PPP2R2C: variants seen among roughly 807,000 people sequenced by gnomAD.
The protein encoded by PPP2R2C is protein phosphatase 2 regulatory subunit Bgamma.
A neutral mutation model predicts 45.3 loss-of-function variants in PPP2R2C; 10 were observed. The observed-to-expected ratio is 0.22, with a 90% CI of 0.14 to 0.37. The LOEUF is 0.37. Ranked by LOEUF, PPP2R2C falls within the 10% of genes least tolerant of loss-of-function variation. PPP2R2C has a pLI of 1.00. For missense variants in PPP2R2C, 308 were observed against 619.7 expected, an observed-to-expected ratio of 0.50 and a Z score of 5.34; for synonymous variants, 257 against 245.4, an observed-to-expected ratio of 1.05 and a Z score of -0.44.
intron 1 of PPP2R2C, among the ~76,000 whole-genome samples, chr4:6,537,822 T>C (rs1249719431): frequency 6.6e-6 from 1 of 152,154 alleles, no homozygotes; most frequent in Non-Finnish European, 1.5e-5. Flanking sequence ...AGTGCTGGGA[T>C]TACAGGTGTG....
chr4:6,451,553 G>A (rs1051804180), intron 1 of PPP2R2C, among the ~76,000 whole-genome samples: 1 of 152,140 alleles, frequency 6.6e-6, no homozygotes, highest in African/African-American at 2.4e-5. Flanking sequence ...CTCGGGGAGG[G>A]GACCTGGGTT....
At chr4:6,512,240 G>C (rs796074613) in intron 2 of PPP2R2C, among the ~76,000 whole-genome samples, 2 of 11,064 alleles carry the variant, frequency 1.8e-4, no homozygotes, top group African/African-American at 8.4e-4. Context: ...GTGATGGTGG[G>C]GGTGGTGGTG....
At chr4:6,372,816 C>G in intron 4 of PPP2R2C, 116 bp from the exon 5 acceptor site, 4 of 1,061,728 alleles carry the variant, frequency 3.8e-6, no homozygotes, top group Non-Finnish European at 5.6e-6. Flanking sequence ...GGGCGTCCAT[C>G]CTGATCCTCC....
intron 5 of PPP2R2C, among the ~76,000 whole-genome samples, chr4:6,357,264 G>A (rs534339165): frequency 6.6e-6 from 1 of 152,384 alleles, no homozygotes; most frequent in Non-Finnish European, 1.5e-5. Context: ...AGGAGGGGCT[G>A]TCAGGTCCCT....
chr4:6,461,108 C>T (rs565857645), intron 1 of PPP2R2C, among the ~76,000 whole-genome samples: 6 of 152,262 alleles, frequency 3.9e-5, no homozygotes, highest in East Asian at 1.9e-4. Flanking sequence ...ACCTATTTGG[C>T]TTTGCAGACT....
intron 1 of PPP2R2C, among the ~76,000 whole-genome samples, chr4:6,470,707 C>T (rs1721824072): frequency 6.6e-6 from 1 of 152,228 alleles, no homozygotes; most frequent in Non-Finnish European, 1.5e-5. Flanking sequence ...CTGATCCCGA[C>T]TCAGCCTCGC....
At chr4:6,447,006 C>A (rs1044378962) in intron 1 of PPP2R2C, among the ~76,000 whole-genome samples, 51 of 152,038 alleles carry the variant, frequency 3.4e-4, no homozygotes, top group African/African-American at 1.2e-3. Flanking sequence ...AGAGCAACAG[C>A]GGCTCAAAGC....
rs541106586 is a variant in PPP2R2C, at chr4:6,413,426, C to T, written c.71-32332G>A. On this transcript the variant is annotated intron_variant, in intron 1 of 8. Coordinates refer to ENST00000382599, the MANE Select transcript of PPP2R2C (RefSeq NM_020416.4). ...TCAGCTACTCAGGGTCAAAGCTACT[C>T]GGGGTCAGAGCCTCCAGAGGTGAGA... Among the ~76,000 whole-genome samples the T allele has an allele frequency of 2.6e-5, 4 of 152,330 alleles. 1 individual carries two copies. Among genetic ancestry groups the T allele is most frequent in the South Asian group, 4.1e-4 (2 of 4,824 alleles).
chr4:6,555,493 C>G (rs1203354602), intron 1 of PPP2R2C: 2 of 152,316 alleles, frequency 1.3e-5, no homozygotes, highest in Admixed American at 6.5e-5. Context: ...AGTCACAAAA[C>G]AGTCAGCCGC....
chr4:6,544,974 T>G (rs1724931156), intron 1 of PPP2R2C, among the ~76,000 whole-genome samples: 1 of 152,204 alleles, frequency 6.6e-6, no homozygotes, highest in Admixed American at 6.5e-5. Context: ...TATAATTTCC[T>G]CAGGATAAAT....
At chr4:6,436,451 G>C (rs188560893) in intron 1 of PPP2R2C, among the ~76,000 whole-genome samples, 4 of 152,306 alleles carry the variant, frequency 2.6e-5, no homozygotes, top group African/African-American at 9.6e-5. Flanking sequence ...CCACATATGA[G>C]GTTCCAGAAG....
intron 1 of PPP2R2C, among the ~76,000 whole-genome samples, chr4:6,410,842 TTTATTTATTTA>T (rs1382312836): frequency 1.6e-3 from 12 of 7,626 alleles, no homozygotes; most frequent in African/African-American, 2.5e-3. Flanking sequence ...TTCCCCCTGT[TTTATTTATTTA>T]TTTATTTATT....
chr4:6,365,428 T>C (rs1246839187), intron 5 of PPP2R2C, among the ~76,000 whole-genome samples: 3 of 151,636 alleles, frequency 2.0e-5, no homozygotes, highest in African/African-American at 7.3e-5. Flanking sequence ...TGAGGGTTGC[T>C]TGTCTACACG....
chr4:6,521,604 C>T (rs939963178), intron 2 of PPP2R2C, among the ~76,000 whole-genome samples: 1 of 152,156 alleles, frequency 6.6e-6, no homozygotes, highest in African/African-American at 2.4e-5. Flanking sequence ...CCCTAACCCA[C>T]GTCCCACCCC....
rs776674780 is a variant in PPP2R2C at position 6,332,198 on chromosome 4, G to A, written c.960+1364C>T. Among the ~76,000 whole-genome samples, 1 of 152,162 alleles carries A rather than the reference G, an allele frequency of 6.6e-6. No homozygotes were observed. The highest frequency in any genetic ancestry group is 2.4e-5 in the African/African-American group (1 of 41,436). ...AAGTGACCGGACAAGGGGCCGGAGG[G>A]GGTTGGAAATGTTCATTTCCCTGAG... On this transcript the variant is annotated intron_variant, in intron 7 of 8. Coordinates refer to ENST00000382599, the MANE Select transcript of PPP2R2C (RefSeq NM_020416.4). The surrounding 1 kb of genome is among the most constrained non-coding windows in gnomAD (Gnocchi z 4.9).
intron 2 of PPP2R2C, among the ~76,000 whole-genome samples, chr4:6,500,272 C>A (rs936435118): frequency 1.3e-5 from 2 of 152,114 alleles, no homozygotes; most frequent in Non-Finnish European, 2.9e-5. Context: ...CTCAGCCTTC[C>A]GAGTAGCTGG....
At position 6,322,699 on chromosome 4, in the gene PPP2R2C, G is replaced by A. The variant is rs1731626034; in HGVS notation, c.*603C>T. On this transcript the variant is annotated 3_prime_UTR_variant, in exon 9 of 9. Coordinates refer to ENST00000382599, the MANE Select transcript of PPP2R2C (RefSeq NM_020416.4). The surrounding 1 kb of genome is among the most constrained non-coding windows in gnomAD (Gnocchi z 7.8). Reference sequence around the variant, plus strand: ...GTTTCAAGACATTCAGAAGACCTAGGAGAGGAGCTTGCATCTGCAAATTCT... The same window carrying A: ...GTTTCAAGACATTCAGAAGACCTAGAAGAGGAGCTTGCATCTGCAAATTCT... 1 of 152,292 alleles carries A rather than the reference G, an allele frequency of 6.6e-6. No homozygotes were observed. Among genetic ancestry groups the A allele is most frequent in the South Asian group, 2.1e-4 (1 of 4,818 alleles). 9.4% of individuals were successfully genotyped at this position (152,292 alleles called of 1,614,324 possible).
chr4:6,498,882 T>C (rs1327209592), intron 2 of PPP2R2C, among the ~76,000 whole-genome samples: 1 of 152,168 alleles, frequency 6.6e-6, no homozygotes, highest in Admixed American at 6.5e-5. Context: ...ACACCTCTGA[T>C]CTTTTTGGTG....
chr4:6,322,040 G>A lies in PPP2R2C; in HGVS notation c.*1262C>T, dbSNP rs1356485572. The A allele has an allele frequency of 2.0e-5, 3 of 152,210 alleles. No homozygotes were observed. Among genetic ancestry groups the A allele is most frequent in the Admixed American group, 2.0e-4 (3 of 15,282 alleles). The allele number at this position is 152,210 out of a possible 1,614,324, so 9.4% of individuals were successfully genotyped here. A position where few individuals can be genotyped will look rare whatever the true frequency, so the allele number is the denominator to read the frequency against. ...CACTCCTGAAGCCACCAAGCAGAGCGAGGAGCTCCGGGGGGTCTTCTCTGT... is the reference window on the plus strand; with the variant it reads ...CACTCCTGAAGCCACCAAGCAGAGCAAGGAGCTCCGGGGGGTCTTCTCTGT... On this transcript the variant is annotated 3_prime_UTR_variant, in exon 9 of 9. Transcript: ENST00000382599. This position sits in a 1 kb window ranked among gnomAD's most constrained non-coding sequence, Gnocchi z 7.8.
Sources: allele counts gnomAD v4.1 joint callset (sites outside exome capture counted in the v4.1 genomes callset), GRCh38; gene constraint gnomAD v4.1.1; non-coding constraint Gnocchi (gnomAD v3.1); transcripts MANE v1.5; gene names NCBI Gene and HGNC (gene_info 2026-07-23, HGNC 2026-07-21).